The following ZNFX1 variants were observed in gnomAD, a reference collection of about 807,000 sequenced individuals.
ZNFX1 encodes zinc finger NFX1-type containing 1.
ZNFX1 carries 78 observed loss-of-function variants against 179.8 expected under a neutral mutation model. The ratio of observed to expected loss-of-function variants is 0.43; its 90% CI spans 0.36 to 0.52. ZNFX1 has a LOEUF of 0.52. Ranked by LOEUF, ZNFX1 falls within the 20% of genes least tolerant of loss-of-function variation. The pLI is 0.00. For missense variants in ZNFX1, 1,927 were observed against 2,386.6 expected, an observed-to-expected ratio of 0.81 and a Z score of 4.01; for synonymous variants, 848 against 868.5, an observed-to-expected ratio of 0.98 and a Z score of 0.42.
chr20:49,253,876 G>A, intron 10 of ZNFX1, 65 bp from the exon 11 acceptor site: 1 of 1,582,388 alleles, frequency 6.3e-7, no homozygotes, highest in Non-Finnish European at 8.6e-7. Flanking sequence ...GGGCCACTGG[G>A]CCTCTGGGAA....
intron 1 of ZNFX1, among the ~76,000 whole-genome samples, chr20:49,277,105 G>T (rs1343878560): frequency 6.6e-6 from 1 of 151,898 alleles, no homozygotes; most frequent in Non-Finnish European, 1.5e-5. Flanking sequence ...TTTTTTTTTG[G>T]TGGGGGGAAT....
At chr20:49,275,528 ATATT>A (rs1601000029) in intron 2 of ZNFX1, among the ~76,000 whole-genome samples, 1 of 152,066 alleles carries the variant, frequency 6.6e-6, no homozygotes, top group East Asian at 1.9e-4. Context: ...GCTAATTTAT[ATATT>A]TTTTTGTAGA....
chr20:49,256,293 C>T (rs1980969444), intron 8 of ZNFX1, among the ~76,000 whole-genome samples: 1 of 152,188 alleles, frequency 6.6e-6, no homozygotes, highest in African/African-American at 2.4e-5. Flanking sequence ...ACGTGGAAAG[C>T]ATTTATACTA....
In ZNFX1 at chr20:49,255,821, A is replaced by G. The variant is rs1454138625; in HGVS notation, c.2791T>C (p.Trp931Arg). 1 of 1,613,570 alleles carries G rather than the reference A, an allele frequency of 6.2e-7. No homozygotes were observed. Among genetic ancestry groups the G allele is most frequent in the Non-Finnish European group, 8.5e-7 (1 of 1,179,690 alleles). The stretch of plus-strand genomic sequence containing the variant: ...GGAACACAGTACCTATAAAGCTGCC[A>G]GCGAGAACTGAGGTCCAGCTGCCAA... ...DVWQLDLSSR[W>R]QLYRLWLQLY... Residue 931 changes from tryptophan (W) to arginine (R), a missense_variant, in exon 9 of 14, where the codon TGG (tryptophan) becomes CGG (arginine). Physicochemically the swap from Trp to Arg is moderately radical, Grantham distance 101. Transcript: ENST00000396105.
At chr20:49,267,510 C>G (rs1255720297) in intron 3 of ZNFX1, among the ~76,000 whole-genome samples, 5 of 148,838 alleles carry the variant, frequency 3.4e-5, no homozygotes, top group African/African-American at 9.9e-5. Flanking sequence ...CATGAGTTGC[C>G]ATTACTTCAT....
chr20:49,272,697 G>A (rs181391462), intron 2 of ZNFX1, among the ~76,000 whole-genome samples: 1 of 152,300 alleles, frequency 6.6e-6, no homozygotes, highest in Admixed American at 6.5e-5. Context: ...CCTGAATGCT[G>A]TCCAGCATCA....
In ZNFX1 at chr20:49,263,784, T is replaced by C. The variant is rs534767612; in HGVS notation, c.2152-301A>G. On this transcript the variant is annotated intron_variant, in intron 5 of 13. Transcript: ENST00000396105. ...GGCCAACATGGCAAAACACTGTCTC[T>C]ACTAAAAATGCAAAAATTAGCCAGG... Among the ~76,000 whole-genome samples the C allele has an allele frequency of 4.6e-5, 7 of 152,254 alleles. No individual in the cohort carries two copies. In the East Asian group the frequency reaches 1.4e-3, roughly 29 times the overall value.
chr20:49,249,780 A>T (rs1980792547), intron 13 of ZNFX1, 69 bp from the exon 14 acceptor site: 1 of 1,523,690 alleles, frequency 6.6e-7, no homozygotes, highest in African/African-American at 1.4e-5. Context: ...TCCTCTCTTG[A>T]CATGCACTGG....
chr20:49,252,409 T>C (rs1980862115), intron 12 of ZNFX1, among the ~76,000 whole-genome samples: 1 of 150,836 alleles, frequency 6.6e-6, no homozygotes, highest in African/African-American at 2.4e-5. Flanking sequence ...CCCAAAGTGC[T>C]GGGATTGCAG....
Position 49,249,409 on chromosome 20 carries a change from T to A in ZNFX1, c.3615A>T (p.Glu1205Asp). ...ATATCTGCAGAAAACCCACCTTGCC[T>A]TCTTGGTTGCTCCGCACTAGCGAGA... ...ILLSLVRSNQ[E>D]GKVGFLQISN... Residue 1205 changes from glutamate to aspartate, a missense_variant, in exon 14 of 14, where the codon GAA becomes GAT. Glu to Asp is a conservative substitution (Grantham distance 45, BLOSUM62 2). Coordinates refer to ENST00000396105, the MANE Select transcript of ZNFX1 (RefSeq NM_021035.3). The A allele has an allele frequency of 6.2e-7, 1 of 1,614,272 alleles. No individual in the cohort carries two copies. Among genetic ancestry groups the A allele is most frequent in the Admixed American group, 1.7e-5 (1 of 60,028 alleles).
In ZNFX1 at chr20:49,270,097, C is replaced by T; in HGVS notation, c.1715G>A (p.Arg572Lys). The T allele has an allele frequency of 6.2e-7, 1 of 1,614,232 alleles. No homozygotes were observed. The highest frequency in any genetic ancestry group is 8.5e-7 in the Non-Finnish European group (1 of 1,180,044). ...ENPSATGEFL[R>K]NVEGLRHPRI... is the part of the protein sequence containing the mutation. Reference sequence around the variant, plus strand: ...GGGATGTCTCAAACCCTCGACATTTCTTAGAAATTCCCCAGTGGCTGAAGG... The same window carrying T: ...GGGATGTCTCAAACCCTCGACATTTTTTAGAAATTCCCCAGTGGCTGAAGG... Residue 572 changes from arginine to lysine, a missense_variant, in exon 3 of 14, where the codon AGA becomes AAA. Coordinates refer to ENST00000396105, the MANE Select transcript of ZNFX1 (RefSeq NM_021035.3). This position sits in a 1 kb window ranked among gnomAD's most constrained non-coding sequence, Gnocchi z 4.6.
rs1295678094 is a variant in ZNFX1 at position 49,275,015 on chromosome 20, T to C, written c.61+764A>G. 2.7e-5 allele frequency among the ~76,000 whole-genome samples: 4 copies of C among 150,338 alleles called. 1 individual carries two copies. The highest frequency in any genetic ancestry group is 3.0e-5 in the Non-Finnish European group (2 of 67,700). On this transcript the variant is annotated intron_variant, in intron 2 of 13. Transcript: ENST00000396105. ...GTGGGCACCTGTAATCCCAGCTACT[T>C]GGGAGGCTGAGGCAGGAGAATGGCG...
At position 49,269,981 on chromosome 20, in the gene ZNFX1, T is replaced by C; in HGVS notation, c.1831A>G (p.Thr611Ala). 1 of 1,612,920 alleles carries C rather than the reference T, an allele frequency of 6.2e-7. No individual in the cohort carries two copies. Among genetic ancestry groups the C allele is most frequent in the Non-Finnish European group, 8.5e-7 (1 of 1,179,752 alleles). ...CCTTGAATAATAGCCAGTTCCCTTGTGAGAGCAAACTGCAAGGCTTCCATC... is the reference window on the plus strand; with the variant it reads ...CCTTGAATAATAGCCAGTTCCCTTGCGAGAGCAAACTGCAAGGCTTCCATC... ...SQMEALQFAL[T>A]RELAIIQGPP... Residue 611 changes from threonine (T) to alanine (A), a missense_variant, in exon 3 of 14, where the codon ACA becomes GCA. Physicochemically the swap from Thr to Ala is moderately conservative, Grantham distance 58. Transcript: ENST00000396105.
At chr20:49,256,652 C>A (rs373598055) in intron 8 of ZNFX1, among the ~76,000 whole-genome samples, 1 of 152,212 alleles carries the variant, frequency 6.6e-6, no homozygotes, top group African/African-American at 2.4e-5. Context: ...ACAAATCAAC[C>A]TTTCCTGATG....
chr20:49,271,132 C>T lies in ZNFX1; in HGVS notation c.680G>A (p.Gly227Glu). The change falls in exon 3 of 14, where the codon GGG becomes GAG. Residue 227 changes from glycine to glutamate, a missense_variant. Gly to Glu is a moderately conservative substitution (Grantham distance 98). Transcript: ENST00000396105. ...GTCAGGGATGGGTTCAGTGATCATC[C>T]CTACCACATAAGCAGGCAGGCAGAC... ...LKVCLPAYVV[G>E]MITEPIPDIR... 6.2e-7 allele frequency: 1 copy of T among 1,614,076 alleles called. No individual in the cohort carries two copies. The highest frequency in any genetic ancestry group is 8.5e-7 in the Non-Finnish European group (1 of 1,180,024).
At chr20:49,253,310 C>T (rs1438101407) in intron 11 of ZNFX1, among the ~76,000 whole-genome samples, 2 of 152,102 alleles carry the variant, frequency 1.3e-5, no homozygotes, top group African/African-American at 4.8e-5. Flanking sequence ...TATTATCTAT[C>T]TACCTTTTTT....
chr20:49,271,887 C>G, intron 2 of ZNFX1, 137 bp from the exon 3 acceptor site: 3 of 1,001,000 alleles, frequency 3.0e-6, no homozygotes, highest in Non-Finnish European at 4.2e-6. Context: ...ACGGTTTCTA[C>G]CAAGTCATAT....
rs1002550459 is a variant in ZNFX1, at chr20:49,246,731, G to A, written c.*536C>T. The stretch of plus-strand genomic sequence containing the variant: ...AGGGAGTCTGTCCACTAATTTGCAG[G>A]AGAGAAGGGGTGAGATTTGTTAACT... On this transcript the variant is annotated 3_prime_UTR_variant, in exon 14 of 14. Coordinates refer to ENST00000396105, the MANE Select transcript of ZNFX1 (RefSeq NM_021035.3). 7 of 403,272 alleles carry A rather than the reference G, an allele frequency of 1.7e-5. No individual in the cohort carries two copies. In the Admixed American group the frequency reaches 2.1e-4, roughly 12 times the overall value. 25.0% of individuals were successfully genotyped at this position (403,272 alleles called of 1,614,324 possible).
At chr20:49,249,756 A>G in intron 13 of ZNFX1, 45 bp from the exon 14 acceptor site, 2 of 1,559,258 alleles carry the variant, frequency 1.3e-6, no homozygotes, top group Non-Finnish European at 1.7e-6. Flanking sequence ...CACTCATGGC[A>G]CTTGTTTTTT....
Sources: allele counts gnomAD v4.1 joint callset (sites outside exome capture counted in the v4.1 genomes callset), GRCh38; gene constraint gnomAD v4.1.1; non-coding constraint Gnocchi (gnomAD v3.1); transcripts MANE v1.5; gene names NCBI Gene and HGNC (gene_info 2026-07-23, HGNC 2026-07-21).